Variants in TOP1 observed in about 807,000 individuals in gnomAD.
TOP1 encodes DNA topoisomerase I, also known as DNA topoisomerase 1.
A neutral mutation model predicts 111.1 loss-of-function variants in TOP1; 10 were observed. The ratio of observed to expected loss-of-function variants is 0.09; its 90% CI spans 0.06 to 0.15. The LOEUF (loss-of-function observed/expected upper bound fraction) is 0.15. Ranked by LOEUF, TOP1 falls within the 10% of genes least tolerant of loss-of-function variation. The pLI, the probability that TOP1 is intolerant of heterozygous loss-of-function variation, is 1.00. For missense variants in TOP1, 474 were observed against 926.7 expected (o/e 0.51, Z 6.34); for synonymous variants, 271 against 302.9 (o/e 0.89, Z 1.10).
At chr20:41,105,762 T>C (rs2034135787) in intron 13 of TOP1, among the ~76,000 whole-genome samples, 1 of 152,240 alleles carries the variant, frequency 6.6e-6, no homozygotes. Context: ...CACAAAGTGC[T>C]GGGATTACAG....
chr20:41,113,307 C>T (rs1276032780), intron 14 of TOP1, among the ~76,000 whole-genome samples: 1 of 152,152 alleles, frequency 6.6e-6, no homozygotes, highest in Non-Finnish European at 1.5e-5. Context: ...TCTGAATTGT[C>T]TCAAAATTCA....
rs1479071197 is a variant in TOP1, at chr20:41,079,119, ACAAG to A, written c.336-961_336-958del. 6.6e-6 allele frequency among the ~76,000 whole-genome samples: 1 copy of A among 152,186 alleles called. No individual in the cohort carries two copies. The highest frequency in any genetic ancestry group is 2.4e-5 in the African/African-American group (1 of 41,446). On this transcript the variant is annotated intron_variant, in intron 5 of 20. Coordinates refer to ENST00000361337, the MANE Select transcript of TOP1 (RefSeq NM_003286.4). This position sits in a 1 kb window ranked among gnomAD's most constrained non-coding sequence, Gnocchi z 4.0. ...GTTCTTTAAACATTCAAATTCTATC[ACAAG>A]CAAGGGGACCCAGTATGCTTTTTTT...
chr20:41,064,281 TTGTACCATTACCATGCTGTTAGTGTTTC>T (rs1231027157), intron 3 of TOP1, among the ~76,000 whole-genome samples: 6 of 152,214 alleles, frequency 3.9e-5, no homozygotes, highest in African/African-American at 1.2e-4. Flanking sequence ...GTGTCTGTTT[TTGTACCATTACCATGCTGTTAGTGTTTC>T]TGTACCATTA....
chr20:41,060,171 A>G (rs1392659450), intron 2 of TOP1, among the ~76,000 whole-genome samples: 2 of 152,254 alleles, frequency 1.3e-5, no homozygotes, highest in Admixed American at 6.5e-5. Flanking sequence ...GTATGTACCC[A>G]AGAGAAATGA....
chr20:41,077,724 C>A, intron 5 of TOP1, 87 bp downstream of exon 5: 1 of 1,260,524 alleles, frequency 7.9e-7, no homozygotes, highest in Non-Finnish European at 1.2e-6. Flanking sequence ...TGAGTTAACC[C>A]AAAACCCACT....
Position 41,100,557 on chromosome 20 carries a change from T to G in TOP1, c.1163+314T>G. ...CCATGTTTATTAAGTACTTATCACA[T>G]AGAGTGGCTATAACTTTTGCAGTCT... is the stretch of plus-strand genomic sequence containing the variant. On this transcript the variant is annotated intron_variant, in intron 12 of 20. Coordinates refer to ENST00000361337, the MANE Select transcript of TOP1 (RefSeq NM_003286.4). The surrounding 1 kb of genome is among the most constrained non-coding windows in gnomAD (Gnocchi z 4.4). 2 of 234,326 alleles carry G rather than the reference T, an allele frequency of 8.5e-6. No individual in the cohort carries two copies. Among genetic ancestry groups the G allele is most frequent in the Non-Finnish European group, 1.7e-5 (2 of 120,884 alleles). 14.5% of individuals were successfully genotyped at this position (234,326 alleles called of 1,614,324 possible). A position where few individuals can be genotyped will look rare whatever the true frequency, so the allele number is the denominator to read the frequency against.
At chr20:41,093,388 G>A (rs773263131) in intron 9 of TOP1, among the ~76,000 whole-genome samples, 2 of 151,924 alleles carry the variant, frequency 1.3e-5, no homozygotes, top group African/African-American at 2.4e-5. Context: ...TAACAGTTGT[G>A]GGGTGGGCTT....
Position 41,103,417 on chromosome 20 carries a change from A to T in TOP1, c.1308+2064A>T, listed in dbSNP as rs149634493. On this transcript the variant is annotated intron_variant, in intron 13 of 20. Transcript: ENST00000361337. ...TGTGGCCAGCTTTAAATGCCATGTT[A>T]AAGAGACTGAGCCCTTAAAGGACTT... is the stretch of plus-strand genomic sequence containing the variant. Among the ~76,000 whole-genome samples the T allele has an allele frequency of 3.4e-3, 524 of 152,318 alleles. 6 individuals are homozygous for T. Among genetic ancestry groups the T allele is most frequent in the African/African-American group, 0.012 (496 of 41,576 alleles).
intron 2 of TOP1, among the ~76,000 whole-genome samples, chr20:41,059,587 C>T (rs771008565): frequency 1.6e-4 from 25 of 151,858 alleles, no homozygotes; most frequent in Non-Finnish European, 2.8e-4. Flanking sequence ...GACTCTTTCC[C>T]TGCCTTTCCC....
rs527306561 is a variant in TOP1, at chr20:41,090,848, T to C, written c.615-1624T>C. Among the ~76,000 whole-genome samples, 4 of 152,348 alleles carry C rather than the reference T, an allele frequency of 2.6e-5. No homozygotes were observed. The East Asian group carries it at 7.7e-4, about 29-fold the overall frequency. On this transcript the variant is annotated intron_variant, in intron 8 of 20. Transcript: ENST00000361337. ...TTTGTTACCTGTGTTTTACGTGTCA[T>C]ATCCAATAAATCACTGTCAAATCCA...
intron 8 of TOP1, among the ~76,000 whole-genome samples, chr20:41,090,917 T>C (rs1428116187): frequency 6.6e-6 from 1 of 152,230 alleles, no homozygotes; most frequent in Non-Finnish European, 1.5e-5. Flanking sequence ...AAGAGTTTTA[T>C]ATTTTTGCTC....
chr20:41,062,519 G>A (rs1368417927), intron 3 of TOP1, among the ~76,000 whole-genome samples: 3 of 151,694 alleles, frequency 2.0e-5, no homozygotes, highest in African/African-American at 4.9e-5. Context: ...CATTATTCTG[G>A]TAAATTTAAT....
At position 41,118,206 on chromosome 20, in the gene TOP1, C is replaced by T. The variant is rs2145970340; in HGVS notation, c.1860C>T (p.Asn620=). 6.2e-7 allele frequency: 1 copy of T among 1,614,172 alleles called. No homozygotes were observed. Among genetic ancestry groups the T allele is most frequent in the Non-Finnish European group, 8.5e-7 (1 of 1,179,992 alleles). ...TCCCAGCGAAGATCCTTTCTTATAA[C>T]CGTGCCAATCGAGCTGTTGCAATTC... The part of the protein sequence containing the change: ...ENIPAKILSY[N]RANRAVAILC... The change falls in exon 18 of 21, where the codon AAC becomes AAT. Residue 620 remains asparagine, a synonymous_variant. Transcript: ENST00000361337. The surrounding 1 kb of genome is among the most constrained non-coding windows in gnomAD (Gnocchi z 4.6).
intron 8 of TOP1, among the ~76,000 whole-genome samples, chr20:41,086,262 CAAAAAAAAAAAAAA>C (rs796254667): frequency 2.0e-3 from 188 of 93,544 alleles, no homozygotes; most frequent in African/African-American, 6.3e-3. Context: ...GACTCTGTCT[CAAAAAAAAAAAAAA>C]GAAAAAAAAC....
rs1276811443 is a variant in TOP1, at chr20:41,092,410, A to G, written c.615-62A>G. On this transcript the variant is annotated intron_variant, in intron 8 of 20. Transcript: ENST00000361337. This position sits in a 1 kb window ranked among gnomAD's most constrained non-coding sequence, Gnocchi z 4.3. ...GCGGATAATTATTTGGCATTTAATCAGTGATGATCCCCATGTTAGACAAGG... is the reference window on the plus strand; with the variant it reads ...GCGGATAATTATTTGGCATTTAATCGGTGATGATCCCCATGTTAGACAAGG... 3 of 757,424 alleles carry G rather than the reference A, an allele frequency of 4.0e-6. No homozygotes were observed. The highest frequency in any genetic ancestry group is 6.5e-6 in the Non-Finnish European group (3 of 464,256). The allele number at this position is 757,424 out of a possible 1,614,324, so 46.9% of individuals were successfully genotyped here.
chr20:41,113,914 G>A (rs2034287581), intron 14 of TOP1, 56 bp from the exon 15 acceptor site: 1 of 1,014,154 alleles, frequency 9.9e-7, no homozygotes, highest in Non-Finnish European at 1.5e-6. Context: ...GAACGAAATT[G>A]TGTAAGGATC....
Position 41,121,022 on chromosome 20 carries a change from G to A in TOP1, c.1951-674G>A, listed in dbSNP as rs969260533. Reference sequence around the variant, plus strand: ...TCCCCAAAGTGCTGGGATTACAGGCGTGAGACACCGCGCCTGGTGACCGCT... The same window carrying A: ...TCCCCAAAGTGCTGGGATTACAGGCATGAGACACCGCGCCTGGTGACCGCT... On this transcript the variant is annotated intron_variant, in intron 18 of 20. Coordinates refer to ENST00000361337, the MANE Select transcript of TOP1 (RefSeq NM_003286.4). This position sits in a 1 kb window ranked among gnomAD's most constrained non-coding sequence, Gnocchi z 4.2. Among the ~76,000 whole-genome samples the A allele has an allele frequency of 2.0e-5, 3 of 152,320 alleles. No individual in the cohort carries two copies. The highest frequency in any genetic ancestry group is 1.9e-4 in the East Asian group (1 of 5,180).
chr20:41,059,409 A>AAAATAAATAAATAAATAATAAAAT (rs2033515410), intron 2 of TOP1, among the ~76,000 whole-genome samples: 1 of 138,044 alleles, frequency 7.2e-6, no homozygotes, highest in Non-Finnish European at 1.6e-5. Context: ...AAACTGCTAG[A>AAAATAAATAAATAAATAATAAAAT]AAATAAATAA....
In TOP1 at chr20:41,098,081, A is replaced by G; in HGVS notation, c.853-134A>G. 3 of 832,702 alleles carry G rather than the reference A, an allele frequency of 3.6e-6. No homozygotes were observed. In the South Asian group the frequency reaches 4.8e-5, roughly 13 times the overall value. The allele number at this position is 832,702 out of a possible 1,614,324, so 51.6% of individuals were successfully genotyped here. The stretch of plus-strand genomic sequence containing the variant: ...GTATTTTTTTGTTTTTTCAAAATTC[A>G]TTAATTGAGATTGGCTACTTCCAGA... On this transcript the variant is annotated intron_variant, in intron 10 of 20. Coordinates refer to ENST00000361337, the MANE Select transcript of TOP1 (RefSeq NM_003286.4). The surrounding 1 kb of genome is among the most constrained non-coding windows in gnomAD (Gnocchi z 5.7).
Sources: allele counts gnomAD v4.1 joint callset (sites outside exome capture counted in the v4.1 genomes callset), GRCh38; gene constraint gnomAD v4.1.1; non-coding constraint Gnocchi (gnomAD v3.1); transcripts MANE v1.5; gene names NCBI Gene and HGNC (gene_info 2026-07-23, HGNC 2026-07-21).